The following STK31 variants were observed in gnomAD, a reference collection of about 807,000 sequenced individuals.
The protein encoded by STK31 is serine/threonine-protein kinase 31.
Under a neutral mutation model 129.7 loss-of-function variants are expected in STK31, and 89 were observed. The observed-to-expected ratio is 0.69, with a 90% CI of 0.58 to 0.82. The LOEUF (loss-of-function observed/expected upper bound fraction) is 0.82. Among genes scored for constraint, STK31 ranks in the 40% least tolerant of loss-of-function variants. STK31 has a pLI of 0.00. For synonymous variants in STK31, 448 were observed against 395.3 expected, an observed-to-expected ratio of 1.13 and a Z score of -1.58; for missense variants, 1,187 against 1,176.4, an observed-to-expected ratio of 1.01 and a Z score of -0.13.
intron 9 of STK31, among the ~76,000 whole-genome samples, chr7:23,753,589 A>G (rs1788857826): frequency 6.6e-6 from 1 of 152,256 alleles, no homozygotes; most frequent in South Asian, 2.1e-4. Flanking sequence ...AAGCGATGTG[A>G]CATGAAAGCA....
chr7:23,717,621 C>T, intron 4 of STK31, 42 bp downstream of exon 4: 1 of 1,455,138 alleles, frequency 6.9e-7, no homozygotes, highest in Non-Finnish European at 9.5e-7. Context: ...TTCCTCCTGT[C>T]AGCTTTCCTG....
intron 17 of STK31, among the ~76,000 whole-genome samples, chr7:23,784,708 A>G (rs1334386948): frequency 2.0e-5 from 3 of 152,164 alleles, no homozygotes; most frequent in African/African-American, 4.8e-5. Flanking sequence ...CCAGAAAACA[A>G]TTCTACAATG....
chr7:23,815,281 A>G, intron 23 of STK31, 69 bp downstream of exon 23: 1 of 1,113,888 alleles, frequency 9.0e-7, no homozygotes, highest in Non-Finnish European at 1.3e-6. Flanking sequence ...TATCTGACTG[A>G]AAGTTGTCCT....
chr7:23,778,481 C>T (rs763457441), intron 15 of STK31, among the ~76,000 whole-genome samples: 12 of 152,210 alleles, frequency 7.9e-5, no homozygotes, highest in African/African-American at 1.2e-4. Context: ...ACCAGTCAAA[C>T]GTAGGTTTGG....
At chr7:23,825,021 T>C (rs551378218) in intron 23 of STK31, among the ~76,000 whole-genome samples, 1 of 152,258 alleles carries the variant, frequency 6.6e-6, no homozygotes, top group East Asian at 1.9e-4. Flanking sequence ...TGAGGATTTT[T>C]GCATCAATGT....
chr7:23,787,884 TACTC>T (rs1791392245), intron 20 of STK31, 92 bp from the exon 21 acceptor site: 2 of 1,225,418 alleles, frequency 1.6e-6, no homozygotes, highest in Non-Finnish European at 2.2e-6. Flanking sequence ...GAGGAAACTT[TACTC>T]ACTTCTAGAG....
intron 3 of STK31, among the ~76,000 whole-genome samples, chr7:23,716,521 T>A: frequency 6.6e-6 from 1 of 152,226 alleles, no homozygotes; most frequent in Non-Finnish European, 1.5e-5. Context: ...ATTGCTCTAG[T>A]GCTTGCCTAA....
intron 8 of STK31, among the ~76,000 whole-genome samples, chr7:23,738,913 T>C (rs1290091082): frequency 6.6e-6 from 1 of 152,214 alleles, no homozygotes; most frequent in Non-Finnish European, 1.5e-5. Flanking sequence ...TCTTTGCCAT[T>C]GTAAATAGTG....
At chr7:23,757,813 T>A (rs1789191456) in intron 10 of STK31, among the ~76,000 whole-genome samples, 1 of 152,162 alleles carries the variant, frequency 6.6e-6, no homozygotes, top group Non-Finnish European at 1.5e-5. Context: ...GAAGCCGTAT[T>A]TCAGACTGTC....
rs533548548 is a variant in STK31, at chr7:23,710,821, G to A, written c.50+486G>A. 14 of 995,600 alleles carry A rather than the reference G, an allele frequency of 1.4e-5. No homozygotes were observed. The South Asian group carries it at 5.6e-4, about 40-fold the overall frequency. 61.7% of individuals were successfully genotyped at this position (995,600 alleles called of 1,614,324 possible). A position where few individuals can be genotyped will look rare whatever the true frequency, so the allele number is the denominator to read the frequency against. On this transcript the variant is annotated intron_variant, in intron 1 of 23. Transcript: ENST00000355870. The stretch of plus-strand genomic sequence containing the variant: ...AAAACTACTCTAGAAGTAGCTTCTT[G>A]GAGTGTGTGGAGAGATTTCCAAAGT...
intron 8 of STK31, among the ~76,000 whole-genome samples, chr7:23,748,244 G>A (rs1331971530): frequency 6.6e-6 from 1 of 152,014 alleles, no homozygotes; most frequent in East Asian, 1.9e-4. Context: ...CATGTTTTGA[G>A]ATTTTTTTCA....
chr7:23,720,695 C>A (rs1235382939), intron 4 of STK31, among the ~76,000 whole-genome samples: 2 of 152,094 alleles, frequency 1.3e-5, no homozygotes, highest in Non-Finnish European at 2.9e-5. Flanking sequence ...AGATATTTTA[C>A]CCATGTCTTC....
intron 8 of STK31, 77 bp from the exon 9 acceptor site, chr7:23,752,640 C>A: frequency 8.7e-7 from 1 of 1,145,362 alleles, no homozygotes; most frequent in Non-Finnish European, 1.3e-6. Context: ...TGTGCCCAGC[C>A]AAAAATTATT....
intron 23 of STK31, among the ~76,000 whole-genome samples, chr7:23,819,333 T>C (rs971817276): frequency 6.6e-6 from 1 of 152,236 alleles, no homozygotes; most frequent in Non-Finnish European, 1.5e-5. Flanking sequence ...TGCTACTTTC[T>C]GGAGATGAAG....
chr7:23,806,666 C>T lies in STK31; in HGVS notation c.2761-8478C>T, dbSNP rs535014808. On this transcript the variant is annotated intron_variant, in intron 22 of 23. Transcript: ENST00000355870. ...CAGTAATCCCAGCATTTTGGGAGGC[C>T]GAGGCGGGTGGATCACGAGGTCAGG... is the stretch of plus-strand genomic sequence containing the variant. Among the ~76,000 whole-genome samples the T allele has an allele frequency of 4.6e-5, 7 of 152,028 alleles. 1 individual carries two copies. The highest frequency in any genetic ancestry group is 7.2e-5 in the African/African-American group (3 of 41,458).
intron 8 of STK31, 65 bp from the exon 9 acceptor site, chr7:23,752,652 A>G: frequency 4.0e-6 from 5 of 1,250,044 alleles, no homozygotes; most frequent in Middle Eastern, 1.9e-4. Flanking sequence ...AAAATTATTT[A>G]AATTATAGCA....
At chr7:23,816,653 C>G (rs1469738127) in intron 23 of STK31, among the ~76,000 whole-genome samples, 1 of 152,192 alleles carries the variant, frequency 6.6e-6, no homozygotes, top group Non-Finnish European at 1.5e-5. Flanking sequence ...CAATCCTTTG[C>G]CCTGTTTCCA....
chr7:23,766,172 G>A (rs1789811835), intron 11 of STK31, among the ~76,000 whole-genome samples: 1 of 152,134 alleles, frequency 6.6e-6, no homozygotes, highest in Non-Finnish European at 1.5e-5. Flanking sequence ...AATACAAATA[G>A]TTGTTTAGCT....
intron 21 of STK31, among the ~76,000 whole-genome samples, chr7:23,789,711 G>A (rs1791502481): frequency 1.3e-5 from 2 of 152,040 alleles, no homozygotes; most frequent in African/African-American, 4.8e-5. Context: ...TATGAATTTT[G>A]AAAGATCTCA....
Sources: gnomAD v4.1 joint callset for allele counts (sites outside exome capture counted in the v4.1 genomes callset) on GRCh38, gnomAD v4.1.1 for gene constraint, MANE v1.5 for transcripts, NCBI Gene and HGNC (gene_info 2026-07-23, HGNC 2026-07-21) for gene names.